RAP1GAP2: variants seen among roughly 807,000 people sequenced by gnomAD.
RAP1GAP2 encodes RAP1 GTPase activating protein 2.
RAP1GAP2 carries 27 observed loss-of-function variants against 95.0 expected under a neutral mutation model. That is an observed-to-expected ratio of 0.28 (90% CI 0.21 to 0.39). The LOEUF (loss-of-function observed/expected upper bound fraction) is 0.39. RAP1GAP2 is among the 10% of genes least tolerant of loss of function. The pLI is 1.00. For synonymous variants in RAP1GAP2, 373 were observed against 380.9 expected (o/e 0.98, Z 0.24); for missense variants, 771 against 970.0 (o/e 0.79, Z 2.72).
intron 2 of RAP1GAP2, among the ~76,000 whole-genome samples, chr17:2,830,362 C>T (rs941248486): frequency 1.7e-4 from 26 of 151,836 alleles, no homozygotes; most frequent in African/African-American, 4.8e-4. Context: ...TGCAGTGAGC[C>T]GAGGAGATCG....
At chr17:2,964,595 G>C (rs1197412109) in intron 7 of RAP1GAP2, 4 of 154,654 alleles carry the variant, frequency 2.6e-5, no homozygotes, top group African/African-American at 9.7e-5. Flanking sequence ...AAATGTTTCG[G>C]GAGGCGATGG....
intron 2 of RAP1GAP2, among the ~76,000 whole-genome samples, chr17:2,844,797 C>T (rs2071517599): frequency 6.6e-6 from 1 of 152,172 alleles, no homozygotes; most frequent in Non-Finnish European, 1.5e-5. Context: ...CAAAGAGGGG[C>T]ATTTTCCCCT....
rs181004383 is a variant in RAP1GAP2, at chr17:2,867,090, G to A, written c.81-38194G>A. Among the ~76,000 whole-genome samples, 3 of 151,824 alleles carry A rather than the reference G, an allele frequency of 2.0e-5. No homozygotes were observed. Among genetic ancestry groups the A allele is most frequent in the Admixed American group, 1.3e-4 (2 of 15,226 alleles). On this transcript the variant is annotated intron_variant, in intron 2 of 24. Coordinates refer to ENST00000254695, the MANE Select transcript of RAP1GAP2 (RefSeq NM_015085.5). This position sits in a 1 kb window ranked among gnomAD's most constrained non-coding sequence, Gnocchi z 4.5. ...TAATTTTTGTATTTGTAGTAGAGAC[G>A]GGGTTTCACCATGTTGGCCAGGCTG...
intron 13 of RAP1GAP2, among the ~76,000 whole-genome samples, chr17:2,996,069 C>G (rs1358137436): frequency 6.6e-6 from 1 of 152,174 alleles, no homozygotes; most frequent in Non-Finnish European, 1.5e-5. Flanking sequence ...TGTTCACTGT[C>G]CAGCCCCTGG....
At chr17:2,948,074 G>A (rs999394528) in intron 3 of RAP1GAP2, among the ~76,000 whole-genome samples, 2 of 152,156 alleles carry the variant, frequency 1.3e-5, no homozygotes, top group Admixed American at 6.5e-5. Context: ...ATAACGAGGC[G>A]ATTGCAAGGA....
chr17:2,808,056 G>A (rs1436558218), intron 2 of RAP1GAP2, among the ~76,000 whole-genome samples: 2 of 152,198 alleles, frequency 1.3e-5, no homozygotes, highest in African/African-American at 4.8e-5. Flanking sequence ...CTGTGAGATG[G>A]AGGCCTGTTA....
chr17:2,886,067 C>A (rs888755936), intron 2 of RAP1GAP2, among the ~76,000 whole-genome samples: 26 of 152,058 alleles, frequency 1.7e-4, no homozygotes, highest in African/African-American at 6.3e-4. Flanking sequence ...CAGGGCCTTC[C>A]CCACACCCCG....
At chr17:2,914,553 C>T (rs58390426) in intron 3 of RAP1GAP2, among the ~76,000 whole-genome samples, 9,158 of 152,000 alleles carry the variant, frequency 0.06, 746 homozygotes, top group East Asian at 0.29. Context: ...TGCAGTGGCC[C>T]GATCTCAGCT....
At position 2,796,696 on chromosome 17, in the gene RAP1GAP2, C is replaced by T. The variant is rs12452414; in HGVS notation, c.44+125C>T. On this transcript the variant is annotated intron_variant, in intron 1 of 24. Coordinates refer to ENST00000254695, the MANE Select transcript of RAP1GAP2 (RefSeq NM_015085.5). The surrounding 1 kb of genome is among the most constrained non-coding windows in gnomAD (Gnocchi z 4.7). ...TGTGCCTGAGAGCTGGGTCTGCTGA[C>T]GCCCTGGCAGGTCGAGATGCAGGAT... 17,565 of 1,117,986 alleles carry T rather than the reference C, an allele frequency of 0.016. 1,119 individuals carry two copies. Among genetic ancestry groups the T allele is most frequent in the Admixed American group, 0.15 (7,282 of 49,160 alleles). 69.3% of individuals were successfully genotyped at this position (1,117,986 alleles called of 1,614,324 possible). A position where few individuals can be genotyped will look rare whatever the true frequency, so the allele number is the denominator to read the frequency against.
chr17:2,880,122 T>C (rs1347599731), intron 2 of RAP1GAP2, among the ~76,000 whole-genome samples: 2 of 152,044 alleles, frequency 1.3e-5, no homozygotes, highest in African/African-American at 4.8e-5. Context: ...CGGGGACTGA[T>C]GGATGACATC....
At chr17:2,930,770 G>C (rs988653122) in intron 3 of RAP1GAP2, among the ~76,000 whole-genome samples, 5 of 152,146 alleles carry the variant, frequency 3.3e-5, no homozygotes, top group Admixed American at 6.6e-5. Context: ...ATTAGAAACT[G>C]CACGAAACAA....
chr17:2,991,534 G>A (rs1184771582), intron 12 of RAP1GAP2, 137 bp downstream of exon 12: 1 of 676,624 alleles, frequency 1.5e-6, no homozygotes, highest in Non-Finnish European at 2.6e-6. Context: ...GGGTCTTGTC[G>A]CTCACTGCAT....
intron 3 of RAP1GAP2, among the ~76,000 whole-genome samples, chr17:2,929,155 C>G (rs563066797): frequency 3.3e-5 from 5 of 152,278 alleles, no homozygotes; most frequent in African/African-American, 1.2e-4. Flanking sequence ...ATCCCTGGAG[C>G]CCAGGCATTT....
chr17:2,873,967 G>A (rs2072973908), intron 2 of RAP1GAP2, among the ~76,000 whole-genome samples: 1 of 151,826 alleles, frequency 6.6e-6, no homozygotes, highest in South Asian at 2.1e-4. Context: ...GGGGGGGGCG[G>A]GTTTCACCAT....
chr17:3,032,322 C>G, intron 23 of RAP1GAP2, 89 bp from the exon 24 acceptor site: 1 of 1,466,416 alleles, frequency 6.8e-7, no homozygotes, highest in Non-Finnish European at 9.5e-7. Flanking sequence ...GCTCACCAGA[C>G]TGTTGAGAGC....
intron 3 of RAP1GAP2, among the ~76,000 whole-genome samples, chr17:2,915,478 G>T (rs964697565): frequency 2.0e-5 from 3 of 151,994 alleles, no homozygotes; most frequent in Non-Finnish European, 4.4e-5. Context: ...CAAGCGATCC[G>T]CCCACCTTGG....
At chr17:2,814,958 G>A (rs1490275366) in intron 2 of RAP1GAP2, among the ~76,000 whole-genome samples, 2 of 152,076 alleles carry the variant, frequency 1.3e-5, no homozygotes, top group Non-Finnish European at 2.9e-5. Flanking sequence ...CGGGACTTGG[G>A]AGGGACAGCC....
At chr17:2,873,717 A>G (rs2072955822) in intron 2 of RAP1GAP2, among the ~76,000 whole-genome samples, 1 of 152,058 alleles carries the variant, frequency 6.6e-6, no homozygotes, top group Non-Finnish European at 1.5e-5. Context: ...GTTACATAAC[A>G]TCGTGAATGT....
At chr17:2,861,777 G>T (rs1406577445) in intron 2 of RAP1GAP2, among the ~76,000 whole-genome samples, 1 of 151,988 alleles carries the variant, frequency 6.6e-6, no homozygotes, top group Non-Finnish European at 1.5e-5. Context: ...CTCCTCCCGT[G>T]CTGAGTAGCT....
Sources: allele counts gnomAD v4.1 joint callset (sites outside exome capture counted in the v4.1 genomes callset), GRCh38; gene constraint gnomAD v4.1.1; non-coding constraint Gnocchi (gnomAD v3.1); transcripts MANE v1.5; gene names NCBI Gene and HGNC (gene_info 2026-07-23, HGNC 2026-07-21).